Variants in SPATA13 observed in about 807,000 individuals in gnomAD.
SPATA13 encodes spermatogenesis associated 13.
SPATA13 carries 50 observed loss-of-function variants against 104.0 expected under a neutral mutation model. The ratio of observed to expected loss-of-function variants is 0.48; its 90% CI spans 0.38 to 0.61. The LOEUF (loss-of-function observed/expected upper bound fraction) is 0.61. Among genes scored for constraint, SPATA13 ranks in the 20% least tolerant of loss-of-function variants. SPATA13 has a pLI of 0.00. For missense variants in SPATA13, 1,524 were observed against 1,690.6 expected (o/e 0.90, Z 1.73); for synonymous variants, 606 against 667.5 (o/e 0.91, Z 1.42).
intron 3 of SPATA13, among the ~76,000 whole-genome samples, chr13:24,082,826 C>CAAAAAAAAAAAA (rs3075296): frequency 3.2e-4 from 16 of 50,064 alleles, no homozygotes; most frequent in East Asian, 8.0e-4. Flanking sequence ...GACTCCGTCT[C>CAAAAAAAAAAAA]AAAAAAAAAA....
In SPATA13 at chr13:24,295,019, CATACTGTTGA is replaced by C. The variant is rs1876667877; in HGVS notation, c.3210+154_3210+163del. The C allele has an allele frequency of 3.8e-6, 3 of 787,742 alleles. No homozygotes were observed. In the South Asian group the frequency reaches 9.2e-5, roughly 24 times the overall value. 48.8% of individuals were successfully genotyped at this position (787,742 alleles called of 1,614,324 possible). On this transcript the variant is annotated intron_variant, in intron 10 of 12. Coordinates refer to ENST00000382108, the MANE Select transcript of SPATA13 (RefSeq NM_001166271.3). ...CATTAATGGTAAATGTATTTCGAGG[CATACTGTTGA>C]ATTTAACAGTCGACTACTTTATACC...
intron 1 of SPATA13, among the ~76,000 whole-genome samples, chr13:24,213,252 T>C (rs1027265519): frequency 6.6e-6 from 1 of 152,138 alleles, no homozygotes. Context: ...TTCGGAACAC[T>C]GCAAAGGGTC....
At chr13:24,174,599 C>T (rs549397794) in intron 1 of SPATA13, among the ~76,000 whole-genome samples, 4 of 151,854 alleles carry the variant, frequency 2.6e-5, no homozygotes, top group Non-Finnish European at 4.4e-5. Context: ...TTTTTTGAGA[C>T]GAAGTCTTGC....
At chr13:24,256,611 G>A (rs1873803601) in intron 4 of SPATA13, among the ~76,000 whole-genome samples, 1 of 151,766 alleles carries the variant, frequency 6.6e-6, no homozygotes, top group African/African-American at 2.4e-5. Flanking sequence ...CTAGGTGAAT[G>A]GAGCCCTCCC....
intron 4 of SPATA13, chr13:24,278,753 A>T: frequency 6.3e-7 from 1 of 1,596,192 alleles, no homozygotes; most frequent in African/African-American, 1.4e-5. Flanking sequence ...AAGAAACTTG[A>T]CCAAGGACTC....
rs550177218 is a variant in SPATA13 at position 24,301,239 on chromosome 13, G to A, written c.3658+764G>A. Among the ~76,000 whole-genome samples the A allele has an allele frequency of 5.3e-5, 8 of 152,260 alleles. No homozygotes were observed. The South Asian group carries it at 1.2e-3, about 24-fold the overall frequency. The stretch of plus-strand genomic sequence containing the variant: ...TTAAAAGGCATTTACCCCATGAAAT[G>A]TATCTCTTTTGGTATTTTCCTGACT... On this transcript the variant is annotated intron_variant, in intron 12 of 12. Coordinates refer to ENST00000382108, the MANE Select transcript of SPATA13 (RefSeq NM_001166271.3).
chr13:24,212,297 A>G (rs1414612208), intron 1 of SPATA13, among the ~76,000 whole-genome samples: 213 of 2,284 alleles, frequency 0.093, 2 homozygotes, highest in African/African-American at 0.094. Context: ...CCTGTTTAAG[A>G]AAAAAAAAAA....
chr13:24,062,265 A>T (rs1437003415), intron 3 of SPATA13, among the ~76,000 whole-genome samples: 1 of 152,266 alleles, frequency 6.6e-6, no homozygotes, highest in East Asian at 1.9e-4. Context: ...CTCATGGTTC[A>T]AAGTGCTGTT....
At chr13:24,113,597 C>A (rs747357601) in intron 3 of SPATA13, among the ~76,000 whole-genome samples, 1 of 150,910 alleles carries the variant, frequency 6.6e-6, no homozygotes, top group Non-Finnish European at 1.5e-5. Flanking sequence ...TAAGGCTGGG[C>A]GAGGTGGCTT....
At chr13:24,022,335 C>T (rs529853819) in intron 3 of SPATA13, among the ~76,000 whole-genome samples, 128 of 152,256 alleles carry the variant, frequency 8.4e-4, no homozygotes, top group South Asian at 1.7e-3. Context: ...CTGCGCCTGG[C>T]GAAAAATCTT....
chr13:24,154,842 G>A (rs533185384), intron 3 of SPATA13, among the ~76,000 whole-genome samples: 6 of 152,296 alleles, frequency 3.9e-5, no homozygotes, highest in African/African-American at 1.4e-4. Flanking sequence ...TTGGAGCTGT[G>A]TGACTGATAG....
At chr13:24,013,324 C>T (rs1021881717) in intron 2 of SPATA13, among the ~76,000 whole-genome samples, 4 of 152,184 alleles carry the variant, frequency 2.6e-5, no homozygotes, top group East Asian at 1.9e-4. Flanking sequence ...ACTGCCAGCC[C>T]GTTCCTCCCC....
chr13:24,131,041 C>A (rs914771741), intron 3 of SPATA13, among the ~76,000 whole-genome samples: 36 of 152,092 alleles, frequency 2.4e-4, no homozygotes, highest in South Asian at 4.2e-4. Context: ...TGAAATAAAA[C>A]CCATCCTAAA....
intron 2 of SPATA13, among the ~76,000 whole-genome samples, chr13:24,232,421 A>G (rs1008128005): frequency 6.6e-6 from 1 of 152,200 alleles, no homozygotes; most frequent in Admixed American, 6.5e-5. Context: ...ACCCTCACAA[A>G]CGCACCCAGA....
intron 12 of SPATA13, 53 bp downstream of exon 12, chr13:24,300,528 A>T (rs1349537971): frequency 6.5e-7 from 1 of 1,530,518 alleles, no homozygotes; most frequent in South Asian, 1.1e-5. Flanking sequence ...ATTCTCCTGA[A>T]AATGGGAGCA....
At chr13:24,250,931 T>C (rs1454744251) in intron 3 of SPATA13, among the ~76,000 whole-genome samples, 1 of 152,228 alleles carries the variant, frequency 6.6e-6, no homozygotes, top group Non-Finnish European at 1.5e-5. Context: ...AGTAATTTTC[T>C]GTACTATAAC....
At chr13:24,209,533 G>A (rs1870896721) in intron 1 of SPATA13, among the ~76,000 whole-genome samples, 1 of 152,156 alleles carries the variant, frequency 6.6e-6, no homozygotes, top group Admixed American at 6.5e-5. Flanking sequence ...GTCTCTCTGT[G>A]CCTGGCTCAT....
Position 24,289,104 on chromosome 13 carries a change from C to T in SPATA13, c.2773C>T (p.Leu925=). The change falls in exon 8 of 13, where the codon CTG becomes TTG. Residue 925 remains leucine (L), a synonymous_variant. Transcript: ENST00000382108. ...TATTTACAAATTCCAAAGAAAGTTT[C>T]TGAAAGACCTTGAGAAACAGTACAA... ...EDIYKFQRKF[L]KDLEKQYNKE... is the part of the protein sequence containing the mutation. The T allele has an allele frequency of 3.1e-6, 5 of 1,613,668 alleles. No homozygotes were observed. The highest frequency in any genetic ancestry group is 4.2e-6 in the Non-Finnish European group (5 of 1,179,866).
rs150034405 is a variant in SPATA13 at position 24,075,874 on chromosome 13, C to G, written c.-112+58173C>G. ...ACGCTGTCTCCCTTTATTGATGTCT[C>G]TCTCCTGGGAGAAGAGAGATTTCTA... On this transcript the variant is annotated intron_variant, in intron 3 of 14. Coordinates refer to the SPATA13 transcript ENST00000424834. 3.8e-4 allele frequency among the ~76,000 whole-genome samples: 58 copies of G among 152,282 alleles called. 1 individual carries two copies. In the East Asian group the frequency reaches 0.011, roughly 28 times the overall value.
Sources: gnomAD v4.1 joint callset for allele counts (sites outside exome capture counted in the v4.1 genomes callset) on GRCh38, gnomAD v4.1.1 for gene constraint, MANE v1.5 for transcripts, NCBI Gene and HGNC (gene_info 2026-07-23, HGNC 2026-07-21) for gene names.